The following PLCB1 variants were observed in gnomAD, a reference collection of about 807,000 sequenced individuals.
The protein encoded by PLCB1 is phospholipase C beta 1.
In PLCB1, 46 loss-of-function variants were observed where a neutral mutation model predicts 161.8. The ratio of observed to expected loss-of-function variants is 0.28; its 90% CI spans 0.22 to 0.36. The LOEUF is 0.36. Ranked by LOEUF, PLCB1 falls within the 10% of genes least tolerant of loss-of-function variation. The pLI is 1.00. For synonymous variants in PLCB1, 517 were observed against 503.7 expected (o/e 1.03, Z -0.35); for missense variants, 1,016 against 1,472.5 (o/e 0.69, Z 5.07).
chr20:8,392,281 C>A (rs1222590727), intron 3 of PLCB1, among the ~76,000 whole-genome samples: 3 of 152,060 alleles, frequency 2.0e-5, no homozygotes, highest in African/African-American at 7.2e-5. Context: ...ATTCGAAATG[C>A]CACCTTGAAA....
At chr20:8,477,189 C>G (rs1982315322) in intron 3 of PLCB1, among the ~76,000 whole-genome samples, 1 of 151,770 alleles carries the variant, frequency 6.6e-6, no homozygotes, top group African/African-American at 2.4e-5. Flanking sequence ...CCCTCCAGAT[C>G]TACTGAAGTA....
At chr20:8,307,751 GTC>G (rs1568625766) in intron 2 of PLCB1, among the ~76,000 whole-genome samples, 2 of 150,858 alleles carry the variant, frequency 1.3e-5, no homozygotes, top group South Asian at 4.2e-4. Context: ...GTAAAACCCT[GTC>G]TCTACTAAAA....
At chr20:8,793,220 G>C (rs1285776416) in intron 31 of PLCB1, among the ~76,000 whole-genome samples, 1 of 152,164 alleles carries the variant, frequency 6.6e-6, no homozygotes, top group Non-Finnish European at 1.5e-5. Flanking sequence ...GTGACATCTA[G>C]AACTTTATGA....
chr20:8,479,762 G>A (rs1982422416), intron 3 of PLCB1, among the ~76,000 whole-genome samples: 1 of 152,134 alleles, frequency 6.6e-6, no homozygotes, highest in Admixed American at 6.5e-5. Context: ...GTGCTTGTGT[G>A]GTATGACTCC....
At chr20:8,150,516 G>A (rs2039645407) in intron 2 of PLCB1, 145 bp downstream of exon 2, 3 of 467,706 alleles carry the variant, frequency 6.4e-6, no homozygotes, top group Non-Finnish European at 1.2e-5. Context: ...AATATCTAAG[G>A]TATTCTTAGG....
chr20:8,150,787 G>A (rs2051501551), intron 2 of PLCB1, among the ~76,000 whole-genome samples: 1 of 152,098 alleles, frequency 6.6e-6, no homozygotes, highest in African/African-American at 2.4e-5. Context: ...CCCCTGTGCT[G>A]TTCATTAAGG....
At chr20:8,448,635 C>G (rs1245693123) in intron 3 of PLCB1, among the ~76,000 whole-genome samples, 1 of 152,150 alleles carries the variant, frequency 6.6e-6, no homozygotes, top group Non-Finnish European at 1.5e-5. Context: ...TCTGAGAAAA[C>G]TTGGAGAGAA....
intron 31 of PLCB1, among the ~76,000 whole-genome samples, chr20:8,805,280 G>C (rs1007588605): frequency 6.6e-6 from 1 of 152,156 alleles, no homozygotes; most frequent in Admixed American, 6.5e-5. Context: ...ACAAATCACT[G>C]TAGAGCGAGA....
At chr20:8,135,962 G>A (rs1487843878) in intron 1 of PLCB1, among the ~76,000 whole-genome samples, 1 of 152,050 alleles carries the variant, frequency 6.6e-6, no homozygotes, top group Non-Finnish European at 1.5e-5. Context: ...CTGGATCTTG[G>A]CCTTGGTCTA....
chr20:8,876,057 T>A (rs1252136872), intron 31 of PLCB1, among the ~76,000 whole-genome samples: 1 of 152,154 alleles, frequency 6.6e-6, no homozygotes, highest in East Asian at 1.9e-4. Context: ...CTTGACCGTA[T>A]TGCCTTTTCC....
chr20:8,551,001 A>T (rs1455770292), intron 3 of PLCB1, among the ~76,000 whole-genome samples: 3 of 152,230 alleles, frequency 2.0e-5, no homozygotes, highest in Admixed American at 2.0e-4. Flanking sequence ...ATTGTATCCA[A>T]TAATGTCTGG....
intron 3 of PLCB1, among the ~76,000 whole-genome samples, chr20:8,459,088 G>A (rs1340403447): frequency 2.0e-5 from 3 of 152,212 alleles, no homozygotes; most frequent in Non-Finnish European, 4.4e-5. Context: ...GGGAGAAAGT[G>A]ATGGTGGTAC....
intron 9 of PLCB1, among the ~76,000 whole-genome samples, chr20:8,676,996 A>AC (rs1281437267): frequency 1.3e-5 from 2 of 152,234 alleles, no homozygotes; most frequent in Non-Finnish European, 2.9e-5. Context: ...GCTGTTAAAC[A>AC]CAAAAACAAA....
At chr20:8,811,761 C>T (rs1984833497) in intron 31 of PLCB1, among the ~76,000 whole-genome samples, 1 of 152,228 alleles carries the variant, frequency 6.6e-6, no homozygotes, top group Non-Finnish European at 1.5e-5. Context: ...AAGCCACAGG[C>T]CTGCCTGGCT....
chr20:8,267,708 G>A (rs1218117492), intron 2 of PLCB1, among the ~76,000 whole-genome samples: 1 of 152,114 alleles, frequency 6.6e-6, no homozygotes, highest in African/African-American at 2.4e-5. Flanking sequence ...ACGGGAGCGG[G>A]CTTGAGCAAG....
At chr20:8,250,400 G>A (rs144880816) in intron 2 of PLCB1, among the ~76,000 whole-genome samples, 29 of 151,606 alleles carry the variant, frequency 1.9e-4, no homozygotes, top group African/African-American at 2.9e-4. Flanking sequence ...TACAATTTTC[G>A]CATCTATTTT....
At chr20:8,789,233 G>C (rs181181519) in intron 29 of PLCB1, among the ~76,000 whole-genome samples, 1 of 152,274 alleles carries the variant, frequency 6.6e-6, no homozygotes, top group African/African-American at 2.4e-5. Flanking sequence ...TTTAAGATTA[G>C]CTGGGTGTGG....
At position 8,327,046 on chromosome 20, in the gene PLCB1, TG is replaced by T. The variant is rs1044999186; in HGVS notation, c.178-44334del. ...GACTACAGGCGTGCGCCACCATGCT[TG>T]GCTAAGTTTTGTATTTTTTGGAGAG... On this transcript the variant is annotated intron_variant, in intron 2 of 31. Coordinates refer to ENST00000338037, the MANE Select transcript of PLCB1 (RefSeq NM_015192.4). Among the ~76,000 whole-genome samples, 90 of 152,286 alleles carry T rather than the reference TG, an allele frequency of 5.9e-4. 1 individual carries two copies. Among genetic ancestry groups the T allele is most frequent in the African/African-American group, 1.8e-3 (75 of 41,568 alleles).
At chr20:8,384,385 T>G (rs1428630356) in intron 3 of PLCB1, among the ~76,000 whole-genome samples, 1 of 152,120 alleles carries the variant, frequency 6.6e-6, no homozygotes, top group African/African-American at 2.4e-5. Context: ...GTCATTTATG[T>G]TCCTCTCTAA....
Sources: gnomAD v4.1 joint callset for allele counts (sites outside exome capture counted in the v4.1 genomes callset) on GRCh38, gnomAD v4.1.1 for gene constraint, MANE v1.5 for transcripts, NCBI Gene and HGNC (gene_info 2026-07-23, HGNC 2026-07-21) for gene names.